Variants in APC observed in about 807,000 individuals in gnomAD.
APC encodes the protein adenomatous polyposis coli protein.
APC carries 72 observed loss-of-function variants against 247.0 expected under a neutral mutation model. That is an observed-to-expected ratio of 0.29 (90% confidence interval 0.24 to 0.35). The LOEUF (loss-of-function observed/expected upper bound fraction) is 0.35, where lower values mean the gene tolerates loss of function less well. APC is among the 10% of genes least tolerant of loss of function. The pLI, the probability that APC is intolerant of heterozygous loss-of-function variation, is 1.00. For synonymous variants in APC, 1,254 were observed against 1,162.5 expected, an observed-to-expected ratio of 1.08 and a Z score of -1.60; for missense variants, 3,400 against 3,360.7, an observed-to-expected ratio of 1.01 and a Z score of -0.29.
intron 6 of APC, chr5:112,783,790 AGAAAG>A (rs1307880968): frequency 4.9e-5 from 19 of 390,866 alleles, no homozygotes; most frequent in Middle Eastern, 5.4e-4. Context: ...AAAAAGAGAA[AGAAAG>A]GAAAGAAAAG....
At chr5:112,736,828 C>T (rs1198071382), upstream of APC, among the ~76,000 whole-genome samples, 2 of 152,126 alleles carry the variant, frequency 1.3e-5, no homozygotes, top group South Asian at 2.1e-4. Flanking sequence ...GCAGGAGAAT[C>T]GCTTGAACCC....
chr5:112,769,566 A>T (rs976351624), intron 4 of APC, among the ~76,000 whole-genome samples: 5 of 152,176 alleles, frequency 3.3e-5, no homozygotes, highest in Non-Finnish European at 2.9e-5. Flanking sequence ...ATTAAGGAAT[A>T]TCTTTATTAT....
At chr5:112,736,323 G>C (rs1752380983), upstream of APC, among the ~76,000 whole-genome samples, 1 of 152,164 alleles carries the variant, frequency 6.6e-6, no homozygotes. Context: ...TATGCCATCA[G>C]TGTGGAAATA....
At chr5:112,792,401 T>TTATTAATAA in intron 6 of APC, 45 bp from the exon 7 acceptor site, 2 of 1,238,836 alleles carry the variant, frequency 1.6e-6, no homozygotes, top group Non-Finnish European at 2.3e-6. Flanking sequence ...TCTATTAATA[T>TTATTAATAA]TATTAATAAA....
chr5:112,747,241 A>AG (rs5870511), intron 1 of APC, among the ~76,000 whole-genome samples: 85,839 of 151,970 alleles, frequency 0.56, 24,691 homozygotes, highest in East Asian at 0.8. Context: ...CTTTTTCTTG[A>AG]GGGGGGAAAA....
intron 6 of APC, among the ~76,000 whole-genome samples, chr5:112,782,154 AG>A (rs923987718): frequency 6.6e-6 from 1 of 152,202 alleles, no homozygotes; most frequent in African/African-American, 2.4e-5. Flanking sequence ...GTGGAAGGCA[AG>A]GAGGAACAAG....
At chr5:112,786,888 T>TTTC (rs1218813964) in intron 6 of APC, among the ~76,000 whole-genome samples, 13 of 105,000 alleles carry the variant, frequency 1.2e-4, no homozygotes, top group African/African-American at 3.5e-4. Flanking sequence ...TTCTTTTTCT[T>TTTC]TTTTTTTTTT....
At chr5:112,797,358 G>T (rs529237581) in intron 7 of APC, among the ~76,000 whole-genome samples, 5 of 152,220 alleles carry the variant, frequency 3.3e-5, no homozygotes, top group African/African-American at 1.2e-4. Flanking sequence ...ATTGGGGATT[G>T]GACACTTGCA....
At chr5:112,731,300 A>T (rs959561190) in intron 1 of APC, among the ~76,000 whole-genome samples, 1 of 152,168 alleles carries the variant, frequency 6.6e-6, no homozygotes, top group African/African-American at 2.4e-5. Context: ...CTATAACAAA[A>T]TACCTGAGAC....
intron 11 of APC, among the ~76,000 whole-genome samples, chr5:112,824,537 C>G (rs1402959886): frequency 6.6e-6 from 1 of 152,052 alleles, no homozygotes. Context: ...AGTATCAAAT[C>G]CTAAGATTTT....
At position 112,842,943 on chromosome 5, in the gene APC, C is replaced by T. The variant is rs1489688452; in HGVS notation, c.7349C>T (p.Pro2450Leu). The T allele has an allele frequency of 1.2e-6, 2 of 1,613,950 alleles. No homozygotes were observed. The highest frequency in any genetic ancestry group is 1.7e-6 in the Non-Finnish European group (2 of 1,179,854). ...ACTTTCATCAAAGAAGCTCCAAGCC[C>T]AACCTTAAGAAGAAAATTGGAGGAA... is the stretch of plus-strand genomic sequence containing the variant. Reference protein sequence around the residue: ...QSTFIKEAPSPTLRRKLEESA... With the variant: ...QSTFIKEAPSLTLRRKLEESA... The change falls in exon 16 of 16, where the codon CCA becomes CTA. Residue 2450 changes from proline to leucine, a missense_variant. Pro to Leu is a moderately conservative substitution (Grantham distance 98, BLOSUM62 -3). Coordinates refer to ENST00000257430, the MANE Select transcript of APC (RefSeq NM_000038.6).
intron 6 of APC, among the ~76,000 whole-genome samples, chr5:112,782,117 C>T (rs562780780): frequency 7.2e-5 from 11 of 152,176 alleles, no homozygotes; most frequent in East Asian, 1.9e-4. Context: ...AACAGTTCTA[C>T]GTGGCTGGGG....
intron 1 of APC, among the ~76,000 whole-genome samples, chr5:112,750,067 A>C (rs1051123143): frequency 6.8e-6 from 1 of 146,684 alleles, no homozygotes; most frequent in African/African-American, 2.5e-5. Flanking sequence ...GGTTCAAGCT[A>C]GTCTCTCACC....
At chr5:112,712,006 A>C (rs946665285) in intron 1 of APC, among the ~76,000 whole-genome samples, 23 of 152,230 alleles carry the variant, frequency 1.5e-4, no homozygotes, top group African/African-American at 5.5e-4. Flanking sequence ...AGTTTGATTA[A>C]ACAAACATAG....
intron 1 of APC, among the ~76,000 whole-genome samples, chr5:112,750,340 C>T (rs769967811): frequency 1.1e-4 from 16 of 152,216 alleles, no homozygotes; most frequent in Non-Finnish European, 1.6e-4. Flanking sequence ...TACCTTGATT[C>T]TATAAGCAGT....
In APC at chr5:112,843,185, T is replaced by G. The variant is rs1060503311; in HGVS notation, c.7591T>G (p.Ser2531Ala). The G allele has an allele frequency of 3.1e-6, 5 of 1,613,294 alleles. No individual in the cohort carries two copies. The highest frequency in any genetic ancestry group is 4.2e-6 in the Non-Finnish European group (5 of 1,179,248). Residue 2531 changes from serine to alanine, a missense_variant, in exon 16 of 16, where the codon TCT (serine) becomes GCT (alanine). Ser to Ala is a moderately conservative substitution (Grantham distance 99, BLOSUM62 1). Transcript: ENST00000257430. This position sits in a 1 kb window ranked among gnomAD's most constrained non-coding sequence, Gnocchi z 4.8. Reference protein sequence around the residue: ...RPAKRHDIARSHSESPSRLPI... With the variant: ...RPAKRHDIARAHSESPSRLPI... ...AGCAAAGCGCCATGATATTGCACGG[T>G]CTCATTCTGAAAGTCCTTCTAGACT...
chr5:112,809,197 C>CAAA (rs542569641), intron 8 of APC, among the ~76,000 whole-genome samples: 12 of 126,284 alleles, frequency 9.5e-5, no homozygotes, highest in African/African-American at 3.4e-4. Context: ...ACAAAAAATA[C>CAAA]AAAAAAAAAA....
chr5:112,743,637 A>G (rs1753292720), intron 1 of APC, among the ~76,000 whole-genome samples: 1 of 152,340 alleles, frequency 6.6e-6, no homozygotes, highest in African/African-American at 2.4e-5. Flanking sequence ...CTTCTGACAT[A>G]GTCTGTAATA....
rs1294083845 is a variant in APC, at chr5:112,773,399, T to C, written c.423-2230T>C. Among the ~76,000 whole-genome samples, 3 of 152,258 alleles carry C rather than the reference T, an allele frequency of 2.0e-5. No individual in the cohort carries two copies. In the East Asian group the frequency reaches 5.8e-4, roughly 29 times the overall value. On this transcript the variant is annotated intron_variant, in intron 4 of 15. Transcript: ENST00000257430. ...TCGGACTGCATGGAAATCAAAATTT[T>C]CTACATGGCAAAACGTTACAGTTGA...
Sources: allele counts gnomAD v4.1 joint callset (sites outside exome capture counted in the v4.1 genomes callset), GRCh38; gene constraint gnomAD v4.1.1; non-coding constraint Gnocchi (gnomAD v3.1); transcripts MANE v1.5; gene names NCBI Gene and HGNC (gene_info 2026-07-23, HGNC 2026-07-21).